The following GRID2 variants were observed in gnomAD, a reference collection of about 807,000 sequenced individuals.
The protein encoded by GRID2 is glutamate ionotropic receptor delta type subunit 2, also known as glutamate receptor ionotropic, delta-2.
A neutral mutation model predicts 114.8 loss-of-function variants in GRID2; 33 were observed. That is an observed-to-expected ratio of 0.29 (90% CI 0.22 to 0.38). GRID2 has a LOEUF of 0.38. Ranked by LOEUF, GRID2 falls within the 10% of genes least tolerant of loss-of-function variation. The probability of loss-of-function intolerance (pLI) is 1.00; values close to 1 mark genes in which losing one functional copy is unlikely to be tolerated. For missense variants in GRID2, 1,184 were observed against 1,257.7 expected (o/e 0.94, Z 0.89); for synonymous variants, 505 against 449.9 (o/e 1.12, Z -1.55).
At chr4:93,577,431 A>G (rs1277028663) in intron 13 of GRID2, among the ~76,000 whole-genome samples, 1 of 152,250 alleles carries the variant, frequency 6.6e-6, no homozygotes, top group Non-Finnish European at 1.5e-5. Context: ...AAACAAAAGA[A>G]GAAACAAGAT....
chr4:92,746,504 A>G (rs1447117601), intron 2 of GRID2, among the ~76,000 whole-genome samples: 2 of 152,048 alleles, frequency 1.3e-5, no homozygotes, highest in Non-Finnish European at 2.9e-5. Flanking sequence ...ACTGCTGTCA[A>G]TTTACCAGTT....
chr4:93,273,471 A>C (rs200550837), intron 8 of GRID2, among the ~76,000 whole-genome samples: 2 of 15,466 alleles, frequency 1.3e-4, no homozygotes, highest in African/African-American at 1.2e-3. Context: ...CCCCCCCCCC[A>C]AAAAATATCC....
intron 1 of GRID2, among the ~76,000 whole-genome samples, chr4:92,392,300 G>A (rs1730280732): frequency 6.6e-6 from 1 of 152,016 alleles, no homozygotes. Flanking sequence ...TGTAATCCCA[G>A]CACTTTGGGA....
chr4:92,401,156 T>C (rs1440493540), intron 1 of GRID2, among the ~76,000 whole-genome samples: 1 of 152,140 alleles, frequency 6.6e-6, no homozygotes, highest in East Asian at 1.9e-4. Context: ...AAGAAACAAT[T>C]TGCCTAATCC....
intron 11 of GRID2, among the ~76,000 whole-genome samples, chr4:93,459,379 C>A (rs1723529182): frequency 6.6e-6 from 1 of 151,644 alleles, no homozygotes; most frequent in South Asian, 2.1e-4. Context: ...GATACAAATT[C>A]CAGATGTTAA....
At chr4:93,328,703 ATGGT>A (rs1758112628) in intron 8 of GRID2, among the ~76,000 whole-genome samples, 3 of 138,316 alleles carry the variant, frequency 2.2e-5, no homozygotes, top group Admixed American at 7.1e-5. Context: ...GGATGGATGG[ATGGT>A]TGGATGGATG....
intron 8 of GRID2, among the ~76,000 whole-genome samples, chr4:93,375,181 C>T (rs1441936472): frequency 6.6e-6 from 1 of 150,638 alleles, no homozygotes. Flanking sequence ...TTTAGAGTAT[C>T]TTTACCCTCC....
intron 2 of GRID2, among the ~76,000 whole-genome samples, chr4:92,794,878 A>T (rs1011741226): frequency 1.7e-5 from 2 of 114,498 alleles, no homozygotes; most frequent in Non-Finnish European, 3.8e-5. Flanking sequence ...ATTGTTTTAT[A>T]TATATATATA....
intron 13 of GRID2, among the ~76,000 whole-genome samples, chr4:93,535,414 G>A (rs1731955829): frequency 6.6e-6 from 1 of 151,938 alleles, no homozygotes; most frequent in Non-Finnish European, 1.5e-5. Flanking sequence ...TATATATCCA[G>A]AAATGGGATT....
intron 7 of GRID2, among the ~76,000 whole-genome samples, chr4:93,235,626 A>T (rs1202770118): frequency 1.3e-5 from 2 of 152,154 alleles, no homozygotes; most frequent in Non-Finnish European, 2.9e-5. Flanking sequence ...ATCATCCCTG[A>T]CATCTTCATG....
chr4:93,395,542 A>C (rs1050998308), intron 8 of GRID2, 65 bp from the exon 9 acceptor site: 5 of 756,034 alleles, frequency 6.6e-6, no homozygotes, highest in Non-Finnish European at 1.2e-5. Context: ...CTCCATAAAG[A>C]CTATACAGAG....
intron 13 of GRID2, among the ~76,000 whole-genome samples, chr4:93,559,170 G>A (rs571215014): frequency 6.6e-6 from 1 of 152,196 alleles, no homozygotes; most frequent in African/African-American, 2.4e-5. Context: ...CAGGACATAG[G>A]CATGTGCAAA....
chr4:92,454,075 T>G (rs370584776), intron 1 of GRID2, among the ~76,000 whole-genome samples: 32 of 152,210 alleles, frequency 2.1e-4, no homozygotes, highest in African/African-American at 7.0e-4. Flanking sequence ...TAATAGTACA[T>G]GACATATAGA....
chr4:93,708,817 G>C (rs1426941257), intron 14 of GRID2, among the ~76,000 whole-genome samples: 1 of 150,408 alleles, frequency 6.6e-6, no homozygotes, highest in Non-Finnish European at 1.5e-5. Context: ...ATTTTTCTTT[G>C]ATGGCATATT....
At chr4:93,426,460 A>AT (rs1177084571) in intron 10 of GRID2, among the ~76,000 whole-genome samples, 1 of 152,188 alleles carries the variant, frequency 6.6e-6, no homozygotes, top group African/African-American at 2.4e-5. Context: ...ATGAGTTATT[A>AT]TGCTAATAAA....
intron 1 of GRID2, among the ~76,000 whole-genome samples, chr4:92,343,562 T>C (rs1041822783): frequency 1.3e-5 from 2 of 152,062 alleles, no homozygotes; most frequent in South Asian, 2.1e-4. Flanking sequence ...TGTTTTTAAA[T>C]ATATGTGTTT....
At chr4:92,930,843 T>C (rs920454412) in intron 2 of GRID2, among the ~76,000 whole-genome samples, 1 of 151,062 alleles carries the variant, frequency 6.6e-6, no homozygotes, top group Non-Finnish European at 1.5e-5. Flanking sequence ...TAATTGAATA[T>C]CTATATTCTA....
intron 1 of GRID2, among the ~76,000 whole-genome samples, chr4:92,394,669 A>G (rs919430474): frequency 6.6e-6 from 1 of 151,956 alleles, no homozygotes; most frequent in African/African-American, 2.4e-5. Flanking sequence ...TTATTCTAAA[A>G]ATTTATTCAG....
At chr4:92,483,210 T>C (rs926051079) in intron 1 of GRID2, among the ~76,000 whole-genome samples, 2 of 152,022 alleles carry the variant, frequency 1.3e-5, no homozygotes, top group East Asian at 3.9e-4. Context: ...GTAGTGCACA[T>C]GCCTGAAGTC....
Sources: gnomAD v4.1 joint callset for allele counts (sites outside exome capture counted in the v4.1 genomes callset) on GRCh38, gnomAD v4.1.1 for gene constraint, MANE v1.5 for transcripts, NCBI Gene and HGNC (gene_info 2026-07-23, HGNC 2026-07-21) for gene names.